MAGI2: variants seen among roughly 807,000 people sequenced by gnomAD.
The protein encoded by MAGI2 is membrane-associated guanylate kinase, WW and PDZ domain-containing protein 2.
In MAGI2, 35 loss-of-function variants were observed where a neutral mutation model predicts 133.3. That is an observed-to-expected ratio of 0.26 (90% CI 0.20 to 0.35). The LOEUF is 0.35. Among genes scored for constraint, MAGI2 ranks in the 10% least tolerant of loss-of-function variants. MAGI2 has a pLI of 1.00. For synonymous variants in MAGI2, 729 were observed against 710.6 expected (o/e 1.03, Z -0.41); for missense variants, 1,636 against 1,863.4 (o/e 0.88, Z 2.25).
At chr7:78,472,516 G>T (rs893693763) in intron 6 of MAGI2, among the ~76,000 whole-genome samples, 1 of 152,004 alleles carries the variant, frequency 6.6e-6, no homozygotes, top group Non-Finnish European at 1.5e-5. Flanking sequence ...TTTAAGGATT[G>T]CACATTGCCC....
intron 1 of MAGI2, among the ~76,000 whole-genome samples, chr7:79,361,805 T>C (rs887432972): frequency 3.3e-5 from 5 of 152,010 alleles, no homozygotes; most frequent in African/African-American, 1.2e-4. Flanking sequence ...AATCTCTAAA[T>C]ACATGGAAAT....
chr7:78,066,508 T>C (rs1813843689), intron 21 of MAGI2, among the ~76,000 whole-genome samples: 2 of 150,812 alleles, frequency 1.3e-5, no homozygotes, highest in South Asian at 4.2e-4. Context: ...ATAATTGCTT[T>C]CTGGAAGAAA....
At chr7:79,067,128 T>C (rs541148275) in intron 1 of MAGI2, among the ~76,000 whole-genome samples, 8 of 152,210 alleles carry the variant, frequency 5.3e-5, no homozygotes, top group Non-Finnish European at 1.0e-4. Flanking sequence ...AAAGTAGTTT[T>C]ATCCAATTCT....
chr7:78,761,055 G>A (rs1421408024), intron 2 of MAGI2, among the ~76,000 whole-genome samples: 1 of 152,170 alleles, frequency 6.6e-6, no homozygotes, highest in African/African-American at 2.4e-5. Context: ...TCTTACAGAA[G>A]AGGAAAATGA....
chr7:78,064,207 C>T (rs10249646), intron 21 of MAGI2, among the ~76,000 whole-genome samples: 78,252 of 151,536 alleles, frequency 0.52, 20,629 homozygotes, highest in East Asian at 0.7. Context: ...TCCTTTATGC[C>T]TTAACTTAGC....
At chr7:78,078,775 CGT>C (rs1181260320) in intron 21 of MAGI2, 170 bp downstream of exon 21, 104 of 592,170 alleles carry the variant, frequency 1.8e-4, no homozygotes, top group South Asian at 2.5e-4. Flanking sequence ...CATAAACATA[CGT>C]GTGTGTGTGT....
intron 20 of MAGI2, among the ~76,000 whole-genome samples, chr7:78,100,168 G>A (rs1818079430): frequency 1.3e-5 from 2 of 152,090 alleles, no homozygotes; most frequent in African/African-American, 2.4e-5. Flanking sequence ...AGTACTTTGC[G>A]TCGCTTCCCA....
At chr7:78,292,163 T>C (rs905941967) in intron 9 of MAGI2, among the ~76,000 whole-genome samples, 2 of 152,092 alleles carry the variant, frequency 1.3e-5, no homozygotes, top group Non-Finnish European at 2.9e-5. Context: ...GCAGATGACA[T>C]GATTGTATAC....
intron 6 of MAGI2, among the ~76,000 whole-genome samples, chr7:78,431,336 C>T (rs775668884): frequency 4.6e-5 from 7 of 151,986 alleles, no homozygotes; most frequent in African/African-American, 7.2e-5. Context: ...GACTTTCTTT[C>T]GAGCTAATAC....
chr7:78,024,678 C>T (rs2151044061), intron 21 of MAGI2, among the ~76,000 whole-genome samples: 1 of 152,338 alleles, frequency 6.6e-6, no homozygotes, highest in Non-Finnish European at 1.5e-5. Context: ...ATGTGGGCTG[C>T]TGAAGACACA....
At position 79,355,913 on chromosome 7, in the gene MAGI2, G is replaced by A. The variant is rs78091373; in HGVS notation, c.301+97107C>T. ...GAGAGATTAATATTTTCTGCCTTTT[G>A]TAGGTAAAATGATGTCTTTATGTAT... On this transcript the variant is annotated intron_variant, in intron 1 of 21. Coordinates refer to ENST00000354212, the MANE Select transcript of MAGI2 (RefSeq NM_012301.4). Among the ~76,000 whole-genome samples, 1,053 of 152,232 alleles carry A rather than the reference G, an allele frequency of 6.9e-3. 7 individuals are homozygous for A. Among genetic ancestry groups the A allele is most frequent in the African/African-American group, 0.024 (1,006 of 41,546 alleles).
chr7:78,606,350 C>T (rs944993596), intron 3 of MAGI2, among the ~76,000 whole-genome samples: 6 of 152,064 alleles, frequency 3.9e-5, no homozygotes, highest in Admixed American at 1.3e-4. Flanking sequence ...AATTAAGACC[C>T]TCTTTGCCCA....
intron 2 of MAGI2, among the ~76,000 whole-genome samples, chr7:78,675,148 C>T (rs1482239542): frequency 6.6e-6 from 1 of 152,044 alleles, no homozygotes; most frequent in Non-Finnish European, 1.5e-5. Context: ...CAAACACATA[C>T]TCTTTAGTTT....
At chr7:79,192,585 G>T (rs1048851152) in intron 1 of MAGI2, among the ~76,000 whole-genome samples, 1 of 151,774 alleles carries the variant, frequency 6.6e-6, no homozygotes, top group Admixed American at 6.6e-5. Flanking sequence ...TAATCAGTGT[G>T]GCAAATATGT....
chr7:78,738,006 A>G (rs1222461847), intron 2 of MAGI2, among the ~76,000 whole-genome samples: 1 of 152,180 alleles, frequency 6.6e-6, no homozygotes, highest in Non-Finnish European at 1.5e-5. Context: ...ATTACAAATA[A>G]ATTTCAGAGA....
chr7:78,396,037 T>C (rs1430773729), intron 6 of MAGI2, among the ~76,000 whole-genome samples: 1 of 152,150 alleles, frequency 6.6e-6, no homozygotes, highest in African/African-American at 2.4e-5. Flanking sequence ...AATCTCCAGC[T>C]CTAGCCCAGT....
intron 2 of MAGI2, among the ~76,000 whole-genome samples, chr7:78,890,206 G>C (rs1796626285): frequency 6.6e-6 from 1 of 152,184 alleles, no homozygotes; most frequent in African/African-American, 2.4e-5. Flanking sequence ...ACCCAGTACA[G>C]GAGCACCCAG....
At chr7:78,595,474 T>A (rs187071488) in intron 3 of MAGI2, among the ~76,000 whole-genome samples, 2 of 152,336 alleles carry the variant, frequency 1.3e-5, no homozygotes, top group Admixed American at 1.3e-4. Context: ...GCAAAGCACT[T>A]CACGTTTTGC....
At chr7:79,240,655 T>G (rs970294893) in intron 1 of MAGI2, among the ~76,000 whole-genome samples, 2 of 152,212 alleles carry the variant, frequency 1.3e-5, no homozygotes, top group African/African-American at 4.8e-5. Flanking sequence ...TTCCAACTTA[T>G]GATTTCAAGG....
Sources: gnomAD v4.1 joint callset for allele counts (sites outside exome capture counted in the v4.1 genomes callset) on GRCh38, gnomAD v4.1.1 for gene constraint, MANE v1.5 for transcripts, NCBI Gene and HGNC (gene_info 2026-07-23, HGNC 2026-07-21) for gene names.